FABP7: variants seen among roughly 807,000 people sequenced by gnomAD.
FABP7 encodes the protein fatty acid binding protein 7, also known as fatty acid-binding protein, brain.
Under a neutral mutation model 14.2 loss-of-function variants are expected in FABP7, and 13 were observed. The ratio of observed to expected loss-of-function variants is 0.91; its 90% confidence interval spans 0.59 to 1.45. The LOEUF (loss-of-function observed/expected upper bound fraction) is 1.45, where lower values mean the gene tolerates loss of function less well. FABP7 is among the 40% of genes most tolerant of loss of function. The pLI, the probability that FABP7 is intolerant of heterozygous loss-of-function variation, is 0.00. For synonymous variants in FABP7, 49 were observed against 51.4 expected, an observed-to-expected ratio of 0.95 and a Z score of 0.20; for missense variants, 149 against 157.6, an observed-to-expected ratio of 0.95 and a Z score of 0.29.
chr6:122,763,728 A>G, the FABP7 span, among the ~76,000 whole-genome samples: 2 of 152,378 alleles, frequency 1.3e-5, no homozygotes, highest in Admixed American at 6.5e-5. Context: ...CAAGTGGGTG[A>G]AGGATATGAA....
At chr6:122,767,591 G>A in the FABP7 span, among the ~76,000 whole-genome samples, 1 of 151,974 alleles carries the variant, frequency 6.6e-6, no homozygotes. Context: ...ACTCCAGCAA[G>A]TTAACGGTTC....
At chr6:122,765,585 C>G in the FABP7 span, among the ~76,000 whole-genome samples, 1 of 151,948 alleles carries the variant, frequency 6.6e-6, no homozygotes, top group Non-Finnish European at 1.5e-5. Flanking sequence ...TTCAAAATGT[C>G]TCTGCATTCT....
the FABP7 span, among the ~76,000 whole-genome samples, chr6:122,767,663 C>T: frequency 6.6e-6 from 1 of 151,628 alleles, no homozygotes; most frequent in Non-Finnish European, 1.5e-5. Context: ...GTAATTCCCC[C>T]ACTTAGGGAG....
At chr6:122,777,055 A>G (rs571418479), upstream of FABP7, among the ~76,000 whole-genome samples, 9 of 152,324 alleles carry the variant, frequency 5.9e-5, no homozygotes, top group South Asian at 1.9e-3. Context: ...GAAGAAATAA[A>G]TGGGTATGCA....
chr6:122,763,971 A>G, the FABP7 span, among the ~76,000 whole-genome samples: 2,182 of 152,304 alleles, frequency 0.014, 53 homozygotes, highest in African/African-American at 0.048. Flanking sequence ...ACCATTGTGG[A>G]AGACAGGAAG....
At chr6:122,782,294 G>C (rs962810374) in intron 3 of FABP7, 11 of 762,654 alleles carry the variant, frequency 1.4e-5, no homozygotes, top group Non-Finnish European at 1.4e-5. Context: ...AGTTCTGAAA[G>C]CTGGACGCCT....
chr6:122,763,890 A>G, the FABP7 span, among the ~76,000 whole-genome samples: 1 of 152,212 alleles, frequency 6.6e-6, no homozygotes, highest in African/African-American at 2.4e-5. Flanking sequence ...GTCAGGAAAC[A>G]ACAGGTGCTG....
At position 122,779,810 on chromosome 6, in the gene FABP7, T is replaced by C. The variant is rs1352104625; in HGVS notation, c.16T>C (p.Cys6Arg). 1 of 1,614,072 alleles carries C rather than the reference T, an allele frequency of 6.2e-7. No individual in the cohort carries two copies. The highest frequency in any genetic ancestry group is 8.5e-7 in the Non-Finnish European group (1 of 1,180,042). Residue 6 changes from cysteine (C) to arginine (R), a missense_variant, in exon 1 of 4, where the codon TGT becomes CGT. Physicochemically the swap from Cys to Arg is radical, Grantham distance 180. Coordinates refer to ENST00000368444, the MANE Select transcript of FABP7 (RefSeq NM_001446.5). MVEAF[C>R]ATWKLTNSQN... is the part of the protein sequence containing the mutation. ...AAGGGCAAGGATGGTGGAGGCTTTC[T>C]GTGCTACCTGGAAGCTGACCAACAG...
chr6:122,769,719 G>A, the FABP7 span, among the ~76,000 whole-genome samples: 1 of 152,026 alleles, frequency 6.6e-6, no homozygotes, highest in Non-Finnish European at 1.5e-5. Flanking sequence ...GTCTCGAATG[G>A]AGACTTCTCT....
the FABP7 span, among the ~76,000 whole-genome samples, chr6:122,761,408 C>T: frequency 6.6e-6 from 1 of 152,162 alleles, no homozygotes; most frequent in African/African-American, 2.4e-5. Context: ...AAGATATACC[C>T]TGTGTTTTGA....
chr6:122,779,657 T>A, upstream of FABP7: 3 of 719,744 alleles, frequency 4.2e-6, no homozygotes, highest in Middle Eastern at 3.9e-4. Flanking sequence ...GCAATTTAAA[T>A]CACTGGATTT....
the FABP7 span, among the ~76,000 whole-genome samples, chr6:122,750,473 G>A: frequency 6.6e-6 from 1 of 152,154 alleles, no homozygotes; most frequent in Non-Finnish European, 1.5e-5. Context: ...CATTAATCAT[G>A]CATCAACAGT....
At chr6:122,780,805 T>G (rs1303269110) in intron 2 of FABP7, among the ~76,000 whole-genome samples, 1 of 152,242 alleles carries the variant, frequency 6.6e-6, no homozygotes, top group African/African-American at 2.4e-5. Context: ...ATAGACAGTT[T>G]GCCTCATTCT....
At chr6:122,751,340 A>G in the FABP7 span, among the ~76,000 whole-genome samples, 1 of 152,174 alleles carries the variant, frequency 6.6e-6, no homozygotes. Context: ...GTGTGCTTCT[A>G]TTCTTACTGC....
chr6:122,770,994 TGTAA>T, the FABP7 span, among the ~76,000 whole-genome samples: 332 of 152,308 alleles, frequency 2.2e-3, 2 homozygotes, highest in African/African-American at 6.3e-3. Flanking sequence ...GATTTCAAAA[TGTAA>T]GTAAGTGGTG....
chr6:122,783,981 TCCC>T lies in FABP7; in HGVS notation c.*223_*225del, dbSNP rs2243373. The T allele has an allele frequency of 3.1e-5, 9 of 287,488 alleles. No individual in the cohort carries two copies. The highest frequency in any genetic ancestry group is 1.5e-4 in the African/African-American group (6 of 41,376). The allele number at this position is 287,488 out of a possible 1,614,324, so 17.8% of individuals were successfully genotyped here. A position where few individuals can be genotyped will look rare whatever the true frequency, so the allele number is the denominator to read the frequency against. On this transcript the variant is annotated 3_prime_UTR_variant, in exon 4 of 4. Coordinates refer to ENST00000368444, the MANE Select transcript of FABP7 (RefSeq NM_001446.5). ...TTTTATAATTTGAATTAAAGTTTTG[TCCC>T]CCCCCCCCTTTTTTTTATAAACAAG...
At chr6:122,781,368 C>A in intron 3 of FABP7, 174 bp downstream of exon 3, 2 of 1,454,438 alleles carry the variant, frequency 1.4e-6, no homozygotes, top group South Asian at 1.5e-5. Context: ...ACAAAAAGAT[C>A]CCAGTTAATT....
At chr6:122,769,633 G>C in the FABP7 span, among the ~76,000 whole-genome samples, 1 of 152,112 alleles carries the variant, frequency 6.6e-6, no homozygotes, top group African/African-American at 2.4e-5. Context: ...TTATTTTTAG[G>C]ATATTAAATA....
At chr6:122,783,002 T>G in intron 3 of FABP7, 1 of 985,394 alleles carries the variant, frequency 1.0e-6, no homozygotes, top group Non-Finnish European at 1.2e-6. Flanking sequence ...CAGGCAAGAT[T>G]GAGTTCAAAA....
Sources: allele counts gnomAD v4.1 joint callset (sites outside exome capture counted in the v4.1 genomes callset), GRCh38; gene constraint gnomAD v4.1.1; transcripts MANE v1.5; gene names NCBI Gene and HGNC (gene_info 2026-07-23, HGNC 2026-07-21).